Variants in BCAT1 observed in about 807,000 individuals in gnomAD.
The protein encoded by BCAT1 is branched chain amino acid transaminase 1.
BCAT1 carries 48 observed loss-of-function variants against 52.4 expected under a neutral mutation model. That is an observed-to-expected ratio of 0.92 (90% CI 0.73 to 1.16). BCAT1 has a LOEUF of 1.16. Among genes scored for constraint, BCAT1 ranks in the 50% most tolerant of loss-of-function variants. The probability of loss-of-function intolerance (pLI) is 0.00; values close to 1 mark genes in which losing one functional copy is unlikely to be tolerated. For missense variants in BCAT1, 451 were observed against 457.1 expected (o/e 0.99, Z 0.12); for synonymous variants, 167 against 161.3 (o/e 1.04, Z -0.27).
At chr12:24,870,680 C>T (rs73061805) in intron 5 of BCAT1, among the ~76,000 whole-genome samples, 17,269 of 152,220 alleles carry the variant, frequency 0.11, 1,074 homozygotes, top group East Asian at 0.17. Context: ...CTTATTTCAC[C>T]GCTTTGGACC....
chr12:24,937,929 G>T, intron 1 of BCAT1, among the ~76,000 whole-genome samples: 1 of 152,160 alleles, frequency 6.6e-6, no homozygotes, highest in African/African-American at 2.4e-5. Flanking sequence ...CAAAGGTCTG[G>T]GATATGGCCA....
chr12:24,883,668 C>CA (rs1942570433), intron 3 of BCAT1, among the ~76,000 whole-genome samples: 1 of 152,080 alleles, frequency 6.6e-6, no homozygotes, highest in Admixed American at 6.6e-5. Flanking sequence ...GGTATATATC[C>CA]AAAAGCAGCA....
intron 8 of BCAT1, among the ~76,000 whole-genome samples, chr12:24,835,458 C>G (rs1813062443): frequency 6.6e-6 from 1 of 152,122 alleles, no homozygotes; most frequent in Non-Finnish European, 1.5e-5. Flanking sequence ...GTCAAAAGTT[C>G]CATCCAAGAA....
At chr12:24,900,488 T>G (rs1165079597) in intron 2 of BCAT1, among the ~76,000 whole-genome samples, 1 of 152,126 alleles carries the variant, frequency 6.6e-6, no homozygotes, top group Non-Finnish European at 1.5e-5. Context: ...CTTGAGAGGC[T>G]AAGAGGATCA....
chr12:24,891,735 G>T (rs1942843389), intron 3 of BCAT1, among the ~76,000 whole-genome samples: 1 of 151,360 alleles, frequency 6.6e-6, no homozygotes, highest in South Asian at 2.1e-4. Flanking sequence ...CATCTAAATA[G>T]ATGGCCAAAG....
Position 24,815,018 on chromosome 12 carries a change from A to C in BCAT1, c.*2990T>G, listed in dbSNP as rs1415233495. ...ATTCCTGTGCTAGAGAGCATGGAAC[A>C]CATCTCTGAAGTCAACTCTTCTTTT... On this transcript the variant is annotated 3_prime_UTR_variant, in exon 11 of 11. Coordinates refer to ENST00000261192, the MANE Select transcript of BCAT1 (RefSeq NM_005504.7). The C allele has an allele frequency of 1.3e-5, 2 of 152,160 alleles. No individual in the cohort carries two copies. Among genetic ancestry groups the C allele is most frequent in the African/African-American group, 4.8e-5 (2 of 41,444 alleles). The allele number at this position is 152,160 out of a possible 1,614,324, so 9.4% of individuals were successfully genotyped here. A position where few individuals can be genotyped will look rare whatever the true frequency, so the allele number is the denominator to read the frequency against.
At chr12:24,902,871 C>A in intron 1 of BCAT1, 1 of 1,505,100 alleles carries the variant, frequency 6.6e-7, no homozygotes, top group Non-Finnish European at 8.8e-7. Context: ...CGACAAGGCG[C>A]CCGGCCAGGC....
At chr12:24,821,318 C>T (rs1305545654) in intron 10 of BCAT1, among the ~76,000 whole-genome samples, 1 of 152,152 alleles carries the variant, frequency 6.6e-6, no homozygotes, top group Non-Finnish European at 1.5e-5. Flanking sequence ...ATTCAAGCTG[C>T]CCCTTTCCTA....
chr12:24,841,257 G>A (rs1241325039), intron 7 of BCAT1, among the ~76,000 whole-genome samples: 1 of 152,130 alleles, frequency 6.6e-6, no homozygotes, highest in Admixed American at 6.5e-5. Context: ...AGTAAATTTG[G>A]AGAGATTGTG....
chr12:24,911,632 GAC>G (rs903931532), intron 1 of BCAT1, among the ~76,000 whole-genome samples: 1 of 150,634 alleles, frequency 6.6e-6, no homozygotes, highest in African/African-American at 2.5e-5. Context: ...TCTGCGAGCA[GAC>G]AAAGTGCAAA....
At chr12:24,871,997 A>G (rs1566407) in intron 5 of BCAT1, among the ~76,000 whole-genome samples, 7,446 of 152,280 alleles carry the variant, frequency 0.049, 594 homozygotes, top group African/African-American at 0.17. Flanking sequence ...TATGAAAAAG[A>G]ACACATTAAA....
intron 1 of BCAT1, among the ~76,000 whole-genome samples, chr12:24,905,302 A>T (rs908192835): frequency 1.3e-5 from 2 of 152,270 alleles, no homozygotes; most frequent in Non-Finnish European, 2.9e-5. Flanking sequence ...GTTACCAGGC[A>T]GATATAAAAA....
At chr12:24,826,203 T>C (rs957550194) in intron 10 of BCAT1, among the ~76,000 whole-genome samples, 1 of 152,138 alleles carries the variant, frequency 6.6e-6, no homozygotes, top group Non-Finnish European at 1.5e-5. Context: ...CAGAATGAGA[T>C]CTTTGCTTAG....
chr12:24,926,518 AG>A, intron 1 of BCAT1, among the ~76,000 whole-genome samples: 1 of 152,262 alleles, frequency 6.6e-6, no homozygotes, highest in Non-Finnish European at 1.5e-5. Context: ...GGAATAGAAA[AG>A]GGGGAAATGT....
chr12:24,888,101 A>G (rs1193143034), intron 3 of BCAT1, among the ~76,000 whole-genome samples: 1 of 152,240 alleles, frequency 6.6e-6, no homozygotes, highest in Non-Finnish European at 1.5e-5. Context: ...AAACAGTAAT[A>G]TCTATGAAAA....
intron 1 of BCAT1, among the ~76,000 whole-genome samples, chr12:24,937,596 GCTC>G (rs1565506518): frequency 6.6e-6 from 1 of 152,128 alleles, no homozygotes; most frequent in Non-Finnish European, 1.5e-5. Context: ...GATCACTTCA[GCTC>G]CTCCTGTGCT....
intron 5 of BCAT1, among the ~76,000 whole-genome samples, 167 bp downstream of exon 5, chr12:24,878,363 G>A (rs923776568): frequency 6.6e-6 from 1 of 152,078 alleles, no homozygotes; most frequent in Non-Finnish European, 1.5e-5. Context: ...ACTGATTGGC[G>A]CTTCACAGAA....
chr12:24,881,461 C>T (rs748346584), intron 3 of BCAT1, 50 bp from the exon 4 acceptor site: 1 of 1,282,778 alleles, frequency 7.8e-7, no homozygotes, highest in Non-Finnish European at 1.1e-6. Flanking sequence ...AGAAAACAAC[C>T]CGTGTTCAAG....
At chr12:24,828,592 T>C (rs1176777653) in intron 10 of BCAT1, among the ~76,000 whole-genome samples, 1 of 152,226 alleles carries the variant, frequency 6.6e-6, no homozygotes, top group Non-Finnish European at 1.5e-5. Context: ...TTAAACTTTA[T>C]AAATGGTGTT....
Sources: allele counts gnomAD v4.1 joint callset (sites outside exome capture counted in the v4.1 genomes callset), GRCh38; gene constraint gnomAD v4.1.1; transcripts MANE v1.5; gene names NCBI Gene and HGNC (gene_info 2026-07-23, HGNC 2026-07-21).